The following MICU1 variants were observed in gnomAD, a reference collection of about 807,000 sequenced individuals.
The protein encoded by MICU1 is calcium uptake protein 1, mitochondrial.
MICU1 carries 45 observed loss-of-function variants against 56.8 expected under a neutral mutation model. The observed-to-expected ratio is 0.79, with a 90% confidence interval of 0.62 to 1.02. The LOEUF (loss-of-function observed/expected upper bound fraction) is 1.02, where lower values mean the gene tolerates loss of function less well. Ranked by LOEUF, MICU1 falls within the 50% of genes least tolerant of loss-of-function variation. The pLI, the probability that MICU1 is intolerant of heterozygous loss-of-function variation, is 0.00. For synonymous variants in MICU1, 186 were observed against 195.1 expected, an observed-to-expected ratio of 0.95 and a Z score of 0.39; for missense variants, 504 against 587.1, an observed-to-expected ratio of 0.86 and a Z score of 1.46.
intron 9 of MICU1, among the ~76,000 whole-genome samples, chr10:72,410,920 C>T (rs190538012): frequency 1.1e-4 from 16 of 152,278 alleles, no homozygotes; most frequent in African/African-American, 3.8e-4. Context: ...AATAATCTTC[C>T]TTTCCCTGCC....
chr10:72,388,922 C>T (rs1415262834), intron 10 of MICU1, among the ~76,000 whole-genome samples: 3 of 152,206 alleles, frequency 2.0e-5, no homozygotes, highest in East Asian at 3.8e-4. Flanking sequence ...GCTGGATAAC[C>T]ACGATCAAGT....
intron 8 of MICU1, among the ~76,000 whole-genome samples, chr10:72,443,883 A>G (rs1229535726): frequency 5.3e-5 from 8 of 151,238 alleles, no homozygotes; most frequent in South Asian, 4.2e-4. Flanking sequence ...TATATACCCA[A>G]AGGACTATAA....
intron 6 of MICU1, among the ~76,000 whole-genome samples, chr10:72,494,842 T>TAAA (rs758537983): frequency 0.046 from 6,722 of 144,768 alleles, 503 homozygotes; most frequent in African/African-American, 0.16. Context: ...GCCCTGATTC[T>TAAA]AAAAAAAAAA....
chr10:72,412,017 T>C (rs1054121224), intron 9 of MICU1, among the ~76,000 whole-genome samples: 7 of 152,214 alleles, frequency 4.6e-5, no homozygotes, highest in African/African-American at 1.7e-4. Context: ...TAATCACTTA[T>C]CATTATGCCA....
intron 10 of MICU1, among the ~76,000 whole-genome samples, chr10:72,391,636 A>C (rs949888486): frequency 1.3e-4 from 20 of 152,122 alleles, no homozygotes; most frequent in Admixed American, 7.9e-4. Context: ...CTTGAACTGC[A>C]TAGGTCCACT....
chr10:72,617,603 G>A (rs893930139), intron 1 of MICU1, among the ~76,000 whole-genome samples: 6 of 152,086 alleles, frequency 3.9e-5, no homozygotes, highest in African/African-American at 1.4e-4. Context: ...AGGCCGAGGC[G>A]GCAGGGTCAC....
At chr10:72,553,321 C>T (rs1356651104) in intron 3 of MICU1, among the ~76,000 whole-genome samples, 2 of 151,424 alleles carry the variant, frequency 1.3e-5, no homozygotes, top group Non-Finnish European at 2.9e-5. Flanking sequence ...GCAAGCTCTA[C>T]CTCCCGGGTT....
chr10:72,495,121 G>A (rs537447811), intron 6 of MICU1, among the ~76,000 whole-genome samples: 1 of 152,012 alleles, frequency 6.6e-6, no homozygotes, highest in Non-Finnish European at 1.5e-5. Context: ...ATTCTAGAAG[G>A]CAAGCCAGTG....
intron 5 of MICU1, among the ~76,000 whole-genome samples, chr10:72,520,260 T>C (rs972766906): frequency 5.9e-5 from 9 of 152,120 alleles, no homozygotes; most frequent in Admixed American, 4.6e-4. Context: ...ATCTAGTTGG[T>C]GCATGGATTG....
At chr10:72,530,486 A>G (rs1210296993) in intron 5 of MICU1, among the ~76,000 whole-genome samples, 2 of 151,886 alleles carry the variant, frequency 1.3e-5, no homozygotes, top group African/African-American at 4.8e-5. Context: ...GAAGTTTTAA[A>G]CTTTTAAACC....
chr10:72,454,325 A>G (rs1286676202), intron 8 of MICU1, among the ~76,000 whole-genome samples: 1 of 151,342 alleles, frequency 6.6e-6, no homozygotes, highest in East Asian at 2.0e-4. Context: ...GTGGTGGCAC[A>G]TGTCTGTAAT....
chr10:72,585,934 C>T (rs549258668), intron 1 of MICU1, among the ~76,000 whole-genome samples: 9 of 150,396 alleles, frequency 6.0e-5, no homozygotes, highest in African/African-American at 1.5e-4. Context: ...GTAAATACTA[C>T]GTAAATAGTT....
chr10:72,395,104 A>C (rs74840962), intron 10 of MICU1, among the ~76,000 whole-genome samples: 6,335 of 152,232 alleles, frequency 0.042, 347 homozygotes, highest in African/African-American at 0.12. Flanking sequence ...GCATGAACCC[A>C]GGAGGCGGTG....
At chr10:72,385,541 C>G (rs1437013156) in intron 10 of MICU1, among the ~76,000 whole-genome samples, 1 of 152,064 alleles carries the variant, frequency 6.6e-6, no homozygotes. Context: ...AGGGTTTAAA[C>G]AAAATGATTT....
chr10:72,564,749 G>A (rs573143302), intron 2 of MICU1, among the ~76,000 whole-genome samples: 1 of 152,134 alleles, frequency 6.6e-6, no homozygotes, highest in South Asian at 2.1e-4. Context: ...AAGTCACACA[G>A]AGAAAGAGCT....
intron 10 of MICU1, among the ~76,000 whole-genome samples, chr10:72,396,551 A>G: frequency 6.6e-6 from 1 of 152,198 alleles, no homozygotes; most frequent in East Asian, 1.9e-4. Flanking sequence ...AGATTAGACG[A>G]ATGGCTAATT....
intron 8 of MICU1, among the ~76,000 whole-genome samples, chr10:72,469,084 A>G (rs1391718308): frequency 6.6e-6 from 1 of 152,160 alleles, no homozygotes; most frequent in Non-Finnish European, 1.5e-5. Flanking sequence ...ACATCACTAA[A>G]CCTGACAGGG....
intron 8 of MICU1, among the ~76,000 whole-genome samples, chr10:72,452,851 C>T (rs914655227): frequency 1.3e-5 from 2 of 152,178 alleles, no homozygotes; most frequent in East Asian, 3.8e-4. Flanking sequence ...ATAACTGTTA[C>T]TCTCCTCTCA....
At chr10:72,476,389 C>T (rs1395270615) in intron 7 of MICU1, among the ~76,000 whole-genome samples, 4 of 152,016 alleles carry the variant, frequency 2.6e-5, no homozygotes, top group African/African-American at 9.7e-5. Flanking sequence ...CTACCAATCC[C>T]AGCTAATTTT....
Sources: gnomAD v4.1 joint callset for allele counts (sites outside exome capture counted in the v4.1 genomes callset) on GRCh38, gnomAD v4.1.1 for gene constraint, MANE v1.5 for transcripts, NCBI Gene and HGNC (gene_info 2026-07-23, HGNC 2026-07-21) for gene names.